Variants in ZNF34 observed in about 807,000 individuals in gnomAD.
The protein encoded by ZNF34 is zinc finger protein 34 (KOX 32).
ZNF34 carries 8 observed loss-of-function variants against 14.4 expected under a neutral mutation model. The ratio of observed to expected loss-of-function variants is 0.55; its 90% CI spans 0.33 to 1.00. The LOEUF (loss-of-function observed/expected upper bound fraction) is 1.00, where lower values mean the gene tolerates loss of function less well. ZNF34 is among the 50% of genes least tolerant of loss of function. The pLI is 0.03. For missense variants in ZNF34, 538 were observed against 674.2 expected, an observed-to-expected ratio of 0.80 and a Z score of 2.24; for synonymous variants, 235 against 247.9, an observed-to-expected ratio of 0.95 and a Z score of 0.49.
At chr8:144,784,162 G>GA (rs59291940) in intron 1 of ZNF34, among the ~76,000 whole-genome samples, 8,939 of 93,028 alleles carry the variant, frequency 0.096, 977 homozygotes, top group African/African-American at 0.29. Context: ...TACGTCTCCA[G>GA]AAAAAAAAAA....
intron 5 of ZNF34, among the ~76,000 whole-genome samples, chr8:144,776,501 G>A (rs1307135492): frequency 6.6e-6 from 1 of 152,080 alleles, no homozygotes; most frequent in Non-Finnish European, 1.5e-5. Context: ...TCAGGAGGCT[G>A]AGGCAGAATC....
intron 1 of ZNF34, among the ~76,000 whole-genome samples, chr8:144,780,848 T>C (rs2130280027): frequency 6.7e-6 from 1 of 148,738 alleles, no homozygotes; most frequent in South Asian, 2.2e-4. Flanking sequence ...AAACACTGCA[T>C]ATTACTGGCC....
At chr8:144,778,709 C>G (rs1825686254) in intron 2 of ZNF34, among the ~76,000 whole-genome samples, 184 bp from the exon 3 acceptor site, 1 of 152,058 alleles carries the variant, frequency 6.6e-6, no homozygotes, top group African/African-American at 2.4e-5. Flanking sequence ...GCTGCCCTCT[C>G]CAGCTCCACC....
Position 144,777,403 on chromosome 8 carries a change from C to A in ZNF34, c.280+55G>T, listed in dbSNP as rs1029325202. 1 of 1,539,648 alleles carries A rather than the reference C, an allele frequency of 6.5e-7. No homozygotes were observed. Among genetic ancestry groups the A allele is most frequent in the Admixed American group, 2.0e-5 (1 of 50,526 alleles). ...TGATTCATTAATCAGACACCCTGGA[C>A]CCCAATAAAGGCTCGTTCGGTGACT... On this transcript the variant is annotated intron_variant, in intron 5 of 5. Coordinates refer to ENST00000429371, the MANE Select transcript of ZNF34 (RefSeq NM_001286769.2). The surrounding 1 kb of genome is among the most constrained non-coding windows in gnomAD (Gnocchi z 4.8).
rs774849142 is a variant in ZNF34, at chr8:144,777,518, G to C, written c.220C>G (p.Pro74Ala). The change falls in exon 5 of 6, where the codon CCC (proline) becomes GCC (alanine). Residue 74 changes from proline to alanine, a missense_variant. Pro to Ala is a conservative substitution (Grantham distance 27). This residue lies in a region of ZNF34 where 431 missense variants were observed against 525.7 expected (regional missense o/e 0.82). Coordinates refer to ENST00000429371, the MANE Select transcript of ZNF34 (RefSeq NM_001286769.2). This position sits in a 1 kb window ranked among gnomAD's most constrained non-coding sequence, Gnocchi z 4.8. ...VISQLERGDE[P>A]WVLDVQGTSG... The stretch of plus-strand genomic sequence containing the variant: ...GTGCCCTGAACATCCAGGACCCAGG[G>C]CTCATCCCCTCGCTCCAACTGCGAG... 6.4e-7 allele frequency: 1 copy of C among 1,554,372 alleles called. No individual in the cohort carries two copies. Among genetic ancestry groups the C allele is most frequent in the South Asian group, 1.2e-5 (1 of 84,178 alleles).
rs1465724958 is a variant in ZNF34 at position 144,774,590 on chromosome 8, G to T, written c.296C>A (p.Thr99Asn). The change falls in exon 6 of 6, where the codon ACT becomes AAT. Residue 99 changes from threonine to asparagine, a missense_variant. Transcript: ENST00000429371. ...CTGTGAAGTCAACTCCTTGTACTCA[G>T]TTCTGGTCCCAAGAGCTGAAACAAA... is the stretch of plus-strand genomic sequence containing the variant. Reference protein sequence around the residue: ...RVNSPALGTRTEYKELTSQET... With the variant: ...RVNSPALGTRNEYKELTSQET... The T allele has an allele frequency of 2.5e-6, 4 of 1,611,812 alleles. No homozygotes were observed. In the South Asian group the frequency reaches 4.4e-5, roughly 18 times the overall value.
chr8:144,785,291 G>A (rs1826158855), intron 1 of ZNF34: 1 of 152,064 alleles, frequency 6.6e-6, no homozygotes, highest in Non-Finnish European at 1.5e-5. Flanking sequence ...ATGAACACAG[G>A]ATATGACCTG....
rs377006682 is a variant in ZNF34, at chr8:144,772,764, T to G, written c.*502A>C. ...CATGTTGGCCAGGCTGGTCTCAAAC[T>G]CCTGACCTCAAGTGATCCACCCACC... On this transcript the variant is annotated 3_prime_UTR_variant, in exon 6 of 6. Transcript: ENST00000429371. 1.3e-5 allele frequency among the ~76,000 whole-genome samples: 2 copies of G among 152,282 alleles called. No homozygotes were observed. The highest frequency in any genetic ancestry group is 3.9e-4 in the East Asian group (2 of 5,188).
At position 144,777,933 on chromosome 8, in the gene ZNF34, G is replaced by C; in HGVS notation, c.160+105C>G. On this transcript the variant is annotated intron_variant, in intron 4 of 5. Transcript: ENST00000429371. The surrounding 1 kb of genome is among the most constrained non-coding windows in gnomAD (Gnocchi z 4.8). The stretch of plus-strand genomic sequence containing the variant: ...GATCAGGTGCCTGCCTGGGATAAAG[G>C]TCATCACCTATCTGTGCCCAGGGGG... The C allele has an allele frequency of 2.0e-6, 3 of 1,506,306 alleles. No homozygotes were observed. Among genetic ancestry groups the C allele is most frequent in the Non-Finnish European group, 2.7e-6 (3 of 1,107,980 alleles). The allele number at this position is 1,506,306 out of a possible 1,614,324, so 93.3% of individuals were successfully genotyped here.
chr8:144,774,684 T>G lies in ZNF34; in HGVS notation c.281-79A>C, dbSNP rs1206199783. ...GGCATGAGATGCTGCTGGCCACCTG[T>G]GGGGAACCAATTTGATCATCTCCAA... On this transcript the variant is annotated intron_variant, in intron 5 of 5. Transcript: ENST00000429371. The G allele has an allele frequency of 4.0e-6, 6 of 1,500,884 alleles. No individual in the cohort carries two copies. The African/African-American group carries it at 5.6e-5, about 14-fold the overall frequency. The allele number at this position is 1,500,884 out of a possible 1,614,324, so 93.0% of individuals were successfully genotyped here. A position where few individuals can be genotyped will look rare whatever the true frequency, so the allele number is the denominator to read the frequency against.
At position 144,777,275 on chromosome 8, in the gene ZNF34, C is replaced by T. The variant is rs1170842631; in HGVS notation, c.280+183G>A. Reference sequence around the variant, plus strand: ...CCCTGGAGAGATTCTGCTCAATAATCTCCCCACCAAGGTGCCCAGACTGAG... The same window carrying T: ...CCCTGGAGAGATTCTGCTCAATAATTTCCCCACCAAGGTGCCCAGACTGAG... On this transcript the variant is annotated intron_variant, in intron 5 of 5. Transcript: ENST00000429371. This position sits in a 1 kb window ranked among gnomAD's most constrained non-coding sequence, Gnocchi z 4.8. Among the ~76,000 whole-genome samples the T allele has an allele frequency of 2.0e-5, 3 of 152,142 alleles. No individual in the cohort carries two copies. The highest frequency in any genetic ancestry group is 4.8e-5 in the African/African-American group (2 of 41,420).
rs1825341254 is a variant in ZNF34, at chr8:144,774,082, G to C, written c.804C>G (p.Ser268Arg). ...GGTGATTGATGAACTCGCAGCTCTG[G>C]CTGAAGGCTTTCCCACACTCATCAC... ...YKCDECGKAF[S>R]QSCEFINHRR... The change falls in exon 6 of 6, where the codon AGC (serine) becomes AGG (arginine). Residue 268 changes from serine (S) to arginine (R), a missense_variant. Around this residue, in one of 3 missense-constraint regions of ZNF34, gnomAD observed 431 missense variants for 525.7 expected, o/e 0.82. Transcript: ENST00000429371. 6.2e-7 allele frequency: 1 copy of C among 1,613,952 alleles called. No homozygotes were observed. Among genetic ancestry groups the C allele is most frequent in the East Asian group, 2.2e-5 (1 of 44,852 alleles).
intron 1 of ZNF34, among the ~76,000 whole-genome samples, chr8:144,781,006 G>A (rs542541915): frequency 5.3e-5 from 8 of 150,990 alleles, no homozygotes; most frequent in African/African-American, 1.9e-4. Flanking sequence ...CGTGGTGGCG[G>A]GGGCCTATAG....
intron 1 of ZNF34, among the ~76,000 whole-genome samples, chr8:144,783,893 A>G (rs913704731): frequency 1.4e-4 from 22 of 152,198 alleles, no homozygotes; most frequent in South Asian, 1.2e-3. Context: ...GGCCAGGCGC[A>G]GTGGCTCACG....
At position 144,773,111 on chromosome 8, in the gene ZNF34, T is replaced by C; in HGVS notation, c.*155A>G. On this transcript the variant is annotated 3_prime_UTR_variant, in exon 6 of 6. Coordinates refer to ENST00000429371, the MANE Select transcript of ZNF34 (RefSeq NM_001286769.2). The surrounding 1 kb of genome is among the most constrained non-coding windows in gnomAD (Gnocchi z 5.4). ...CAATTTCTCTAAAATGAACATGCACTGCTTTTGATTTAAGAAAAGAGGTTT... is the reference window on the plus strand; with the variant it reads ...CAATTTCTCTAAAATGAACATGCACCGCTTTTGATTTAAGAAAAGAGGTTT... 1 of 832,006 alleles carries C rather than the reference T, an allele frequency of 1.2e-6. No homozygotes were observed. The highest frequency in any genetic ancestry group is 1.7e-6 in the Non-Finnish European group (1 of 580,156). 51.5% of individuals were successfully genotyped at this position (832,006 alleles called of 1,614,324 possible). A position where few individuals can be genotyped will look rare whatever the true frequency, so the allele number is the denominator to read the frequency against.
intron 1 of ZNF34, among the ~76,000 whole-genome samples, chr8:144,781,571 C>G (rs529283689): frequency 6.6e-6 from 1 of 152,092 alleles, no homozygotes; most frequent in Non-Finnish European, 1.5e-5. Flanking sequence ...TTTTAACATA[C>G]TTCCCTCAGA....
At position 144,783,724 on chromosome 8, in the gene ZNF34, T is replaced by C. The variant is rs138707811; in HGVS notation, c.-107-3444A>G. 1.7e-3 allele frequency among the ~76,000 whole-genome samples: 252 copies of C among 152,344 alleles called. 2 individuals carry two copies. The highest frequency in any genetic ancestry group is 5.0e-3 in the African/African-American group (209 of 41,582). ...TCTATGGAGAAACAGACAATGTTTC[T>C]AAATAGGAGGGCTCAATAACATAAA... is the stretch of plus-strand genomic sequence containing the variant. On this transcript the variant is annotated intron_variant, in intron 1 of 5. Coordinates refer to ENST00000429371, the MANE Select transcript of ZNF34 (RefSeq NM_001286769.2).
intron 1 of ZNF34, 59 bp from the exon 2 acceptor site, chr8:144,780,339 TA>T: frequency 8.0e-7 from 1 of 1,255,850 alleles, no homozygotes. Context: ...AAACACTAGT[TA>T]AAATGAAGCT....
intron 5 of ZNF34, among the ~76,000 whole-genome samples, chr8:144,775,269 A>G (rs905408225): frequency 1.3e-5 from 2 of 152,220 alleles, no homozygotes; most frequent in Admixed American, 1.3e-4. Context: ...CGGTGCTCAC[A>G]CACTACTACA....
Sources: gnomAD v4.1 joint callset for allele counts (sites outside exome capture counted in the v4.1 genomes callset) on GRCh38, gnomAD v4.1.1 for gene constraint, gnomAD v4.1.1 regional missense constraint, Gnocchi (gnomAD v3.1) non-coding constraint, MANE v1.5 for transcripts, NCBI Gene and HGNC (gene_info 2026-07-23, HGNC 2026-07-21) for gene names.